The following OR2T2 variants were observed in gnomAD, a reference collection of about 807,000 sequenced individuals.
OR2T2 encodes olfactory receptor family 2 subfamily T member 2, also known as olfactory receptor 2T2.
For synonymous variants in OR2T2, 50 were observed against 162.7 expected (o/e 0.31, Z 5.27); for missense variants, 138 against 409.1 (o/e 0.34, Z 5.72).
chr1:248,446,061 AT>A (rs1257406521), intron 1 of OR2T2, among the ~76,000 whole-genome samples: 8 of 145,408 alleles, frequency 5.5e-5, no homozygotes, highest in Non-Finnish European at 1.2e-4. Flanking sequence ...CCCTCTGAAT[AT>A]TTTGTTAAAA....
intron 2 of OR2T2, among the ~76,000 whole-genome samples, chr1:248,449,822 CTTT>C (rs1246892706): frequency 8.1e-6 from 1 of 123,634 alleles, no homozygotes; most frequent in Non-Finnish European, 1.5e-5. Flanking sequence ...TTTTCTTTTT[CTTT>C]TTCTTTTTTT....
At chr1:248,447,101 A>ACT (rs1662680239) in intron 2 of OR2T2, among the ~76,000 whole-genome samples, 1 of 152,008 alleles carries the variant, frequency 6.6e-6, no homozygotes, top group Non-Finnish European at 1.5e-5. Context: ...TGTAATTAGA[A>ACT]CTGGAGATAA....
At chr1:248,449,535 A>G (rs1193544905) in intron 2 of OR2T2, 143 bp downstream of exon 3, 2 of 147,962 alleles carry the variant, frequency 1.4e-5, no homozygotes, top group African/African-American at 5.2e-5. Flanking sequence ...CCACAGGTAG[A>G]ATAAATGCCT....
At chr1:248,451,901 ACT>A (rs1247612732) in intron 2 of OR2T2, among the ~76,000 whole-genome samples, 3 of 106,766 alleles carry the variant, frequency 2.8e-5, no homozygotes, top group African/African-American at 1.8e-4. Context: ...TCAGGATGCC[ACT>A]CTGTCAGAGA....
At chr1:248,447,238 A>AT (rs1417731829) in intron 2 of OR2T2, among the ~76,000 whole-genome samples, 1 of 150,120 alleles carries the variant, frequency 6.7e-6, no homozygotes, top group Admixed American at 6.6e-5. Context: ...GGAGTACAGG[A>AT]GTAGCTTGTG....
At chr1:248,453,094 A>T (rs753255562) in exon 3 of OR2T2, 5 of 1,613,152 alleles carry the variant, frequency 3.1e-6, no homozygotes, top group Non-Finnish European at 2.5e-6. Flanking sequence ...TGGGCTGTGC[A>T]GTTCAGATCT....
chr1:248,453,475 C>T lies in OR2T2; in HGVS notation c.678C>T (p.Val226=), dbSNP rs149470664. 7.2e-3 allele frequency: 11,487 copies of T among 1,588,686 alleles called. 588 individuals carry two copies. The highest frequency in any genetic ancestry group is 8.8e-3 in the Non-Finnish European group (10,255 of 1,165,862). The change falls in exon 3 of 3, where the codon GTC becomes GTT. Residue 226 remains valine (V), a synonymous_variant. Coordinates refer to ENST00000642130, the Ensembl canonical transcript of OR2T2. ...CCTACACGCACATCCTCCTGACTGTCCACAGGATGAACTCTGCTGAGGGCC... is the reference window on the plus strand; with the variant it reads ...CCTACACGCACATCCTCCTGACTGTTCACAGGATGAACTCTGCTGAGGGCC...
intron 2 of OR2T2, 46 bp from the exon 4 acceptor site, chr1:248,452,730 T>A (rs999976833): frequency 6.4e-7 from 1 of 1,551,002 alleles, no homozygotes; most frequent in Non-Finnish European, 8.9e-7. Context: ...GGGCTCTTCC[T>A]ACATATCAGG....
intron 2 of OR2T2, among the ~76,000 whole-genome samples, chr1:248,447,800 C>A (rs556646202): frequency 2.6e-5 from 4 of 151,690 alleles, no homozygotes; most frequent in East Asian, 3.9e-4. Context: ...TAGGGTTGAA[C>A]CTTTGAGGTA....
chr1:248,455,056 G>A (rs1457757469), exon 3 of OR2T2: 1 of 151,612 alleles, frequency 6.6e-6, no homozygotes, highest in Non-Finnish European at 1.5e-5. Flanking sequence ...TGATAGATGT[G>A]TAACTTTGGT....
intron 2 of OR2T2, among the ~76,000 whole-genome samples, chr1:248,450,036 G>C (rs868011646): frequency 0.011 from 1,655 of 148,362 alleles, 6 homozygotes; most frequent in African/African-American, 0.041. Context: ...GTAAACAGAA[G>C]TAACTGATGA....
intron 2 of OR2T2, among the ~76,000 whole-genome samples, chr1:248,448,199 G>A (rs1662712883): frequency 8.4e-6 from 1 of 118,476 alleles, no homozygotes; most frequent in Non-Finnish European, 1.8e-5. Context: ...CTTGACTTAA[G>A]GAGAGAGAAA....
chr1:248,452,574 C>T (rs1230033482), intron 2 of OR2T2, among the ~76,000 whole-genome samples: 6 of 131,532 alleles, frequency 4.6e-5, no homozygotes, highest in Non-Finnish European at 4.6e-5. Context: ...CTATGATGAC[C>T]TTTCACAGAT....
At chr1:248,453,392 C>G in exon 3 of OR2T2, 2 of 1,586,096 alleles carry the variant, frequency 1.3e-6, no homozygotes, top group East Asian at 2.3e-5. Context: ...CTATGAGACC[C>G]TGATGTATGC....
chr1:248,446,511 G>GGCCAACCTCA (rs1553318662), intron 1 of OR2T2, 78 bp from the exon 2 acceptor site: 6 of 143,012 alleles, frequency 4.2e-5, no homozygotes, highest in South Asian at 2.1e-4. Context: ...GGACTAGATG[G>GGCCAACCTCA]GCTCGCCTCG....
chr1:248,447,123 A>G (rs1662680918), intron 2 of OR2T2, among the ~76,000 whole-genome samples: 1 of 151,972 alleles, frequency 6.6e-6, no homozygotes, highest in Non-Finnish European at 1.5e-5. Flanking sequence ...GTAAGGGAAA[A>G]GAGAAATTCA....
exon 3 of OR2T2, chr1:248,453,302 T>C (rs1558341645): frequency 6.3e-7 from 1 of 1,584,462 alleles, no homozygotes; most frequent in South Asian, 1.1e-5. Context: ...GAGTTTCCCC[T>C]TCTGTAGATC....
Position 248,451,702 on chromosome 1 carries a change from T to TC in OR2T2, c.-22-1072dup, listed in dbSNP as rs1174336194. Among the ~76,000 whole-genome samples the TC allele has an allele frequency of 2.7e-5, 4 of 150,334 alleles. 1 individual carries two copies. Among genetic ancestry groups the TC allele is most frequent in the African/African-American group, 1.0e-4 (4 of 39,590 alleles). ...CATGTTGGCCAGGCTGGTCTCGAAG[T>TC]CCTGACCTCAAGTGATCTGCCTGCC... On this transcript the variant is annotated intron_variant, in intron 2 of 2. Transcript: ENST00000642130.
In OR2T2 at chr1:248,453,122, A is replaced by AT; in HGVS notation, c.327dup (p.Gly110TrpfsTer13). 2 of 1,613,144 alleles carry AT rather than the reference A, an allele frequency of 1.2e-6. No individual in the cohort carries two copies. The highest frequency in any genetic ancestry group is 8.5e-7 in the Non-Finnish European group (1 of 1,179,708). On this transcript the variant is annotated frameshift_variant, in exon 3 of 3. Transcript: ENST00000642130. LOFTEE classifies it low-confidence loss of function (END_TRUNC). ...TCAGATCTTCCTCTACCTGACCCTG[A>AT]TTGGAGGGGAATTCTTCCTGCTGGG...
Sources: gnomAD v4.1 joint callset for allele counts (sites outside exome capture counted in the v4.1 genomes callset) on GRCh38, gnomAD v4.1.1 for gene constraint, MANE v1.5 for transcripts, NCBI Gene and HGNC (gene_info 2026-07-23, HGNC 2026-07-21) for gene names.